Variants in ITK observed in about 807,000 individuals in gnomAD.
ITK encodes IL2 inducible T cell kinase.
In ITK, 45 loss-of-function variants were observed where a neutral mutation model predicts 87.6. That is an observed-to-expected ratio of 0.51 (90% CI 0.40 to 0.66). ITK has a LOEUF of 0.66. ITK is among the 30% of genes least tolerant of loss of function. The probability of loss-of-function intolerance (pLI) is 0.00; values close to 1 mark genes in which losing one functional copy is unlikely to be tolerated. For missense variants in ITK, 605 were observed against 766.3 expected (o/e 0.79, Z 2.48); for synonymous variants, 303 against 273.6 (o/e 1.11, Z -1.06).
At chr5:157,185,301 C>G (rs900604316) in intron 1 of ITK, among the ~76,000 whole-genome samples, 1 of 151,510 alleles carries the variant, frequency 6.6e-6, no homozygotes, top group Non-Finnish European at 1.5e-5. Flanking sequence ...CACAGTGGTG[C>G]CACCTTGGTT....
At chr5:157,184,220 C>T (rs1257036808) in intron 1 of ITK, among the ~76,000 whole-genome samples, 2 of 152,126 alleles carry the variant, frequency 1.3e-5, no homozygotes, top group Non-Finnish European at 2.9e-5. Flanking sequence ...CATGGATGTC[C>T]TGGTAAATGC....
chr5:157,207,619 ATCT>A (rs1398092322), intron 1 of ITK, among the ~76,000 whole-genome samples: 6 of 151,782 alleles, frequency 4.0e-5, no homozygotes, highest in Non-Finnish European at 7.4e-5. Context: ...ATCTCAGGTG[ATCT>A]TCCCGTGTCG....
At chr5:157,238,757 G>T (rs1754827238) in intron 9 of ITK, among the ~76,000 whole-genome samples, 1 of 152,172 alleles carries the variant, frequency 6.6e-6, no homozygotes, top group Non-Finnish European at 1.5e-5. Flanking sequence ...CAGCCAACTG[G>T]ACTGCAAGAT....
chr5:157,205,796 GA>G (rs1274187355), intron 1 of ITK, among the ~76,000 whole-genome samples: 1 of 152,088 alleles, frequency 6.6e-6, no homozygotes, highest in Non-Finnish European at 1.5e-5. Flanking sequence ...CTAGTTTATT[GA>G]TAGTTTTTAA....
intron 1 of ITK, among the ~76,000 whole-genome samples, chr5:157,189,309 G>A (rs1194749488): frequency 6.6e-6 from 1 of 152,154 alleles, no homozygotes; most frequent in Non-Finnish European, 1.5e-5. Flanking sequence ...ATCAGTTTCT[G>A]CAGTAGAAAT....
Position 157,245,983 on chromosome 5 carries a change from C to A in ITK, c.1617C>A (p.Ser539=), listed in dbSNP as rs771875150. The A allele has an allele frequency of 1.2e-6, 2 of 1,611,666 alleles. No individual in the cohort carries two copies. Among genetic ancestry groups the A allele is most frequent in the Non-Finnish European group, 1.7e-6 (2 of 1,177,946 alleles). The change falls in exon 15 of 17, where the codon TCC becomes TCA. Residue 539 remains serine, a synonymous_variant. Transcript: ENST00000422843. ...VFSFSRYSSK[S]DVWSFGVLMW... The stretch of plus-strand genomic sequence containing the variant: ...CTTTCAGTCGCTATAGCAGCAAGTC[C>A]GATGTGTGGTCATTTGGTGAGTGTC...
chr5:157,189,861 CTAA>C (rs1753719095), intron 1 of ITK, among the ~76,000 whole-genome samples: 1 of 152,194 alleles, frequency 6.6e-6, no homozygotes, highest in South Asian at 2.1e-4. Context: ...TCTTAACGAA[CTAA>C]TAATACATTC....
intron 7 of ITK, among the ~76,000 whole-genome samples, chr5:157,229,623 G>A (rs1754608698): frequency 6.6e-6 from 1 of 152,088 alleles, no homozygotes. Flanking sequence ...CATTAAAAAA[G>A]ACTAAAGAGG....
intron 16 of ITK, among the ~76,000 whole-genome samples, chr5:157,249,377 C>T (rs1271038335): frequency 6.6e-6 from 1 of 152,206 alleles, no homozygotes; most frequent in African/African-American, 2.4e-5. Context: ...GAACAAAGTT[C>T]ACTTGCACTA....
chr5:157,240,509 C>A, intron 10 of ITK: 1 of 432,254 alleles, frequency 2.3e-6, no homozygotes, highest in Non-Finnish European at 4.3e-6. Context: ...CTCTAGAGGA[C>A]AAAGCCAGAG....
At chr5:157,182,538 C>G (rs1378613196) in intron 1 of ITK, among the ~76,000 whole-genome samples, 1 of 152,128 alleles carries the variant, frequency 6.6e-6, no homozygotes, top group Non-Finnish European at 1.5e-5. Context: ...ACCAGTCAAT[C>G]AGAAAACACA....
intron 12 of ITK, 99 bp downstream of exon 12, chr5:157,243,893 C>A (rs935555202): frequency 2.7e-6 from 3 of 1,121,836 alleles, no homozygotes; most frequent in Non-Finnish European, 4.1e-6. Flanking sequence ...TATCTCCCTG[C>A]GCAAACTCCC....
intron 1 of ITK, among the ~76,000 whole-genome samples, chr5:157,190,322 T>C (rs1561646698): frequency 6.6e-6 from 1 of 152,210 alleles, no homozygotes; most frequent in Non-Finnish European, 1.5e-5. Context: ...TGATTATTAT[T>C]GGTTTGTTTG....
At chr5:157,186,346 A>G (rs201288528) in intron 1 of ITK, among the ~76,000 whole-genome samples, 1 of 151,208 alleles carries the variant, frequency 6.6e-6, no homozygotes, top group East Asian at 1.9e-4. Flanking sequence ...ATTCACTTCA[A>G]GAAGCCCCGC....
intron 1 of ITK, among the ~76,000 whole-genome samples, chr5:157,196,328 C>T (rs920965916): frequency 7.2e-5 from 11 of 152,162 alleles, no homozygotes; most frequent in African/African-American, 2.2e-4. Context: ...ACCTCACAAA[C>T]ACCATTATCT....
intron 5 of ITK, among the ~76,000 whole-genome samples, chr5:157,221,136 A>G (rs916104643): frequency 6.6e-6 from 1 of 152,186 alleles, no homozygotes; most frequent in Non-Finnish European, 1.5e-5. Flanking sequence ...CTATATAAAT[A>G]TTGGGACATG....
Position 157,243,791 on chromosome 5 carries a change from T to C in ITK, c.1229T>C (p.Met410Thr), listed in dbSNP as rs776824188. Residue 410 changes from methionine (M) to threonine (T), a missense_variant, in exon 12 of 17, where the codon ATG becomes ACG. Physicochemically the swap from Met to Thr is moderately conservative, Grantham distance 81. Around this residue, in one of 3 missense-constraint regions of ITK, gnomAD observed 464 missense variants for 578.0 expected, o/e 0.80. Transcript: ENST00000422843. The part of the protein sequence containing the change: ...EEDFIEEAEV[M>T]MKLSHPKLVQ... ...GACTTCATAGAGGAGGCTGAAGTAA[T>C]GATGTGAGTGCTCAGAACAAGGATA... The C allele has an allele frequency of 5.0e-6, 8 of 1,613,800 alleles. No individual in the cohort carries two copies. In the South Asian group the frequency reaches 5.5e-5, roughly 11 times the overall value.
At position 157,211,298 on chromosome 5, in the gene ITK, C is replaced by T. The variant is rs761346212; in HGVS notation, c.255C>T (p.Asp85=). 6 of 1,613,842 alleles carry T rather than the reference C, an allele frequency of 3.7e-6. No individual in the cohort carries two copies. The African/African-American group carries it at 6.7e-5, about 18-fold the overall frequency. The change falls in exon 3 of 17, where the codon GAC becomes GAT. Residue 85 remains aspartate (D), a synonymous_variant. Coordinates refer to ENST00000422843, the MANE Select transcript of ITK (RefSeq NM_005546.4). The stretch of plus-strand genomic sequence containing the variant: ...GTGTGTGTCTCCAGGTGGTGCATGA[C>T]AACTACCTCCTATATGTGTTTGCTC... ...HYKYPFQVVH[D]NYLLYVFAPD...
At chr5:157,181,969 T>C (rs1419088551) in intron 1 of ITK, among the ~76,000 whole-genome samples, 2 of 152,226 alleles carry the variant, frequency 1.3e-5, no homozygotes, top group African/African-American at 4.8e-5. Flanking sequence ...TGATCCAGTC[T>C]GGGCAAATGT....
Sources: gnomAD v4.1 joint callset for allele counts (sites outside exome capture counted in the v4.1 genomes callset) on GRCh38, gnomAD v4.1.1 for gene constraint, gnomAD v4.1.1 regional missense constraint, MANE v1.5 for transcripts, NCBI Gene and HGNC (gene_info 2026-07-23, HGNC 2026-07-21) for gene names.